CEP128: variants seen among roughly 807,000 people sequenced by gnomAD.
CEP128 encodes the protein centrosomal protein 128.
In CEP128, 132 loss-of-function variants were observed where a neutral mutation model predicts 156.7. The observed-to-expected ratio is 0.84, with a 90% CI of 0.73 to 0.97. The LOEUF (loss-of-function observed/expected upper bound fraction) is 0.97. Among genes scored for constraint, CEP128 ranks in the 50% least tolerant of loss-of-function variants. CEP128 has a pLI of 0.00. For synonymous variants in CEP128, 469 were observed against 448.9 expected (o/e 1.04, Z -0.57); for missense variants, 1,252 against 1,281.9 (o/e 0.98, Z 0.36).
chr14:80,874,596 T>C (rs995852876), intron 8 of CEP128, among the ~76,000 whole-genome samples: 10 of 152,152 alleles, frequency 6.6e-5, no homozygotes, highest in African/African-American at 2.4e-4. Flanking sequence ...ACTAGAAAGC[T>C]AGAAAGAATA....
At chr14:80,847,086 A>G (rs948691053) in intron 9 of CEP128, among the ~76,000 whole-genome samples, 2 of 152,196 alleles carry the variant, frequency 1.3e-5, no homozygotes, top group Non-Finnish European at 2.9e-5. Context: ...ACATCCTCCA[A>G]GGTCTCTTCA....
At chr14:80,769,460 G>A (rs1388960259) in intron 16 of CEP128, among the ~76,000 whole-genome samples, 1 of 151,884 alleles carries the variant, frequency 6.6e-6, no homozygotes, top group Non-Finnish European at 1.5e-5. Context: ...CCCGGTGTGT[G>A]ACGTTCCCAT....
intron 9 of CEP128, among the ~76,000 whole-genome samples, chr14:80,855,901 AG>A (rs753671763): frequency 5.3e-5 from 8 of 152,200 alleles, no homozygotes; most frequent in Non-Finnish European, 1.2e-4. Flanking sequence ...TCCCTTAATG[AG>A]TCCAAACTAA....
At chr14:80,480,037 T>C (rs1420523168) in intron 14 of CEP128, among the ~76,000 whole-genome samples, 2 of 152,202 alleles carry the variant, frequency 1.3e-5, no homozygotes, top group East Asian at 3.9e-4. Context: ...CTTTGCAGGG[T>C]ACAGCCTCCC....
At chr14:80,851,631 A>G (rs1886893049) in intron 9 of CEP128, among the ~76,000 whole-genome samples, 2 of 152,216 alleles carry the variant, frequency 1.3e-5, no homozygotes, top group South Asian at 4.1e-4. Flanking sequence ...AATGGGAAAA[A>G]GAAACAAAAA....
At chr14:80,812,973 T>C (rs1171081606) in intron 13 of CEP128, among the ~76,000 whole-genome samples, 1 of 152,214 alleles carries the variant, frequency 6.6e-6, no homozygotes, top group Non-Finnish European at 1.5e-5. Flanking sequence ...TGATTAGTAA[T>C]GTTGAGCATC....
At chr14:80,497,856 C>T (rs537358808) in intron 24 of CEP128, among the ~76,000 whole-genome samples, 64 of 152,188 alleles carry the variant, frequency 4.2e-4, no homozygotes, top group Non-Finnish European at 8.7e-4. Context: ...ATATAAACCA[C>T]ACCGGTGTGC....
intron 19 of CEP128, among the ~76,000 whole-genome samples, chr14:80,656,136 A>C (rs1275921293): frequency 6.6e-6 from 1 of 151,532 alleles, no homozygotes. Flanking sequence ...CAACAGAGGA[A>C]AAACTGTACA....
rs75389597 is a variant in CEP128 at position 80,833,007 on chromosome 14, G to C, written c.1058-1713C>G. ...AGCCTAGACATTGCATAAATGAATG[G>C]GAGTAGCTGTGTTCCAATAAAGTCT... is the stretch of plus-strand genomic sequence containing the variant. On this transcript the variant is annotated intron_variant, in intron 12 of 24. Transcript: ENST00000555265. Among the ~76,000 whole-genome samples, 90 of 152,194 alleles carry C rather than the reference G, an allele frequency of 5.9e-4. 1 individual carries two copies. The East Asian group carries it at 0.016, about 27-fold the overall frequency.
intron 22 of CEP128, 90 bp from the exon 23 acceptor site, chr14:80,527,072 T>TAAAAATG: frequency 1.6e-6 from 1 of 635,908 alleles, no homozygotes; most frequent in Non-Finnish European, 2.7e-6. Flanking sequence ...TATATGTAGA[T>TAAAAATG]AAAAATGAAA....
chr14:80,669,781 G>T (rs1321409231), intron 19 of CEP128, among the ~76,000 whole-genome samples: 1 of 152,200 alleles, frequency 6.6e-6, no homozygotes, highest in Admixed American at 6.5e-5. Flanking sequence ...TATACCATTT[G>T]ATCCAGCAAT....
intron 12 of CEP128, among the ~76,000 whole-genome samples, chr14:80,835,001 G>A (rs1346140744): frequency 3.3e-5 from 5 of 152,116 alleles, no homozygotes; most frequent in Admixed American, 1.3e-4. Context: ...CCTCATGAAC[G>A]GCTTGGTGTC....
chr14:80,500,008 C>A (rs146503616), intron 24 of CEP128, among the ~76,000 whole-genome samples: 173 of 152,288 alleles, frequency 1.1e-3, no homozygotes, highest in Non-Finnish European at 1.7e-3. Context: ...TAATGGATTT[C>A]TGTGTTCCTA....
intron 2 of CEP128, among the ~76,000 whole-genome samples, chr14:80,935,556 C>CAATAAATAAATAAATA (rs59491221): frequency 1.4e-4 from 16 of 113,928 alleles, no homozygotes; most frequent in South Asian, 1.3e-3. Context: ...GAGTCTGTCT[C>CAATAAATAAATAAATA]AATAAATAAA....
At chr14:80,765,611 G>A (rs1345002733) in intron 16 of CEP128, among the ~76,000 whole-genome samples, 1 of 152,176 alleles carries the variant, frequency 6.6e-6, no homozygotes, top group Non-Finnish European at 1.5e-5. Flanking sequence ...AAAGGACACA[G>A]ATGCCTGGAG....
At chr14:80,675,518 A>T (rs1230784332) in intron 19 of CEP128, among the ~76,000 whole-genome samples, 4 of 151,984 alleles carry the variant, frequency 2.6e-5, no homozygotes, top group African/African-American at 4.8e-5. Flanking sequence ...CTAACTTGAG[A>T]TTATGTCACA....
intron 19 of CEP128, among the ~76,000 whole-genome samples, chr14:80,581,330 C>T (rs1415202345): frequency 6.6e-6 from 1 of 152,082 alleles, no homozygotes. Flanking sequence ...GACTATGTTA[C>T]ATAAAAGGAA....
At chr14:80,540,197 A>ACC (rs35857257) in intron 21 of CEP128, among the ~76,000 whole-genome samples, 3,552 of 123,986 alleles carry the variant, frequency 0.029, 140 homozygotes, top group South Asian at 0.11. Flanking sequence ...CTGTTCTTAC[A>ACC]CCCCCCCCCC....
chr14:80,578,674 A>G (rs919186160), intron 20 of CEP128, among the ~76,000 whole-genome samples: 2 of 152,202 alleles, frequency 1.3e-5, no homozygotes, highest in Admixed American at 6.6e-5. Flanking sequence ...ATACTTGAAT[A>G]GTATTCTTCA....
Sources: gnomAD v4.1 joint callset for allele counts (sites outside exome capture counted in the v4.1 genomes callset) on GRCh38, gnomAD v4.1.1 for gene constraint, MANE v1.5 for transcripts, NCBI Gene and HGNC (gene_info 2026-07-23, HGNC 2026-07-21) for gene names.